The following PLIN5 variants were observed in gnomAD, a reference collection of about 807,000 sequenced individuals.
The protein encoded by PLIN5 is perilipin 5.
PLIN5 carries 34 observed loss-of-function variants against 32.8 expected under a neutral mutation model. The ratio of observed to expected loss-of-function variants is 1.04; its 90% CI spans 0.79 to 1.38. PLIN5 has a LOEUF of 1.38. PLIN5 is among the 40% of genes most tolerant of loss of function. The pLI is 0.00. For synonymous variants in PLIN5, 309 were observed against 292.9 expected (o/e 1.05, Z -0.56); for missense variants, 712 against 660.5 (o/e 1.08, Z -0.85).
chr19:4,529,410 A>T, intron 4 of PLIN5, 157 bp from the exon 5 acceptor site: 1 of 765,636 alleles, frequency 1.3e-6, no homozygotes, highest in Non-Finnish European at 2.1e-6. Flanking sequence ...CCCTTCCCTC[A>T]CAGAGGGTGT....
chr19:4,527,256 T>C (rs1976815626), intron 5 of PLIN5, among the ~76,000 whole-genome samples: 1 of 151,468 alleles, frequency 6.6e-6, no homozygotes, highest in Admixed American at 6.6e-5. Flanking sequence ...TTTGTATTTT[T>C]AGTAGAGACG....
At position 4,523,956 on chromosome 19, in the gene PLIN5, T is replaced by C. The variant is rs765361568; in HGVS notation, c.964A>G (p.Ser322Gly). The part of the protein sequence containing the change: ...AQEKVAEVRR[S>G]VDALQTAFAD... ...AAGGCGGTCTGCAGGGCATCCACAC[T>C]GCGCCGCACCTCAGCCACCTTCTCC... Residue 322 changes from serine (S) to glycine (G), a missense_variant, in exon 8 of 8, where the codon AGT becomes GGT. Transcript: ENST00000381848. The surrounding 1 kb of genome is among the most constrained non-coding windows in gnomAD (Gnocchi z 5.0). The C allele has an allele frequency of 2.4e-5, 37 of 1,528,110 alleles. No individual in the cohort carries two copies. The highest frequency in any genetic ancestry group is 3.0e-5 in the Non-Finnish European group (34 of 1,144,972). 94.7% of individuals were successfully genotyped at this position (1,528,110 alleles called of 1,614,324 possible).
In PLIN5 at chr19:4,523,333, C is replaced by T. The variant is rs557415972; in HGVS notation, c.*195G>A. The T allele has an allele frequency of 2.9e-5, 17 of 579,716 alleles. No individual in the cohort carries two copies. Among genetic ancestry groups the T allele is most frequent in the South Asian group, 2.2e-4 (7 of 32,202 alleles). 35.9% of individuals were successfully genotyped at this position (579,716 alleles called of 1,614,324 possible). ...AATAGGGTTCGAGGCCCTGCTCCCC[C>T]GGGCCTCTTTGTCCATGTGTTCAAG... is the stretch of plus-strand genomic sequence containing the variant. On this transcript the variant is annotated 3_prime_UTR_variant, in exon 8 of 8. Transcript: ENST00000381848. This position sits in a 1 kb window ranked among gnomAD's most constrained non-coding sequence, Gnocchi z 5.0.
chr19:4,531,909 C>T (rs537780687), intron 2 of PLIN5, 87 bp from the exon 3 acceptor site: 57 of 1,342,810 alleles, frequency 4.2e-5, no homozygotes, highest in South Asian at 2.6e-4. Context: ...TGGGCCAGGA[C>T]GAGGGATGGG....
chr19:4,530,935 C>T (rs1325307334), intron 3 of PLIN5, among the ~76,000 whole-genome samples: 1 of 151,974 alleles, frequency 6.6e-6, no homozygotes, highest in Non-Finnish European at 1.5e-5. Context: ...GCCTCGGACT[C>T]CTAAAATACT....
chr19:4,528,054 C>T (rs891848870), intron 5 of PLIN5, among the ~76,000 whole-genome samples: 5 of 151,658 alleles, frequency 3.3e-5, no homozygotes, highest in African/African-American at 4.8e-5. Context: ...GGACTACAGG[C>T]GCCCGCCACC....
Position 4,529,262 on chromosome 19 carries a change from A to C in PLIN5, c.340-9T>G. ...TTGGCTGAGGTCACCACCTGGAAGG[A>C]AGGGCCCCCCCACTCCAGGCACCGT... On this transcript the variant is annotated splice_polypyrimidine_tract_variant and intron_variant, in intron 4 of 7. Transcript: ENST00000381848. The C allele has an allele frequency of 1.3e-6, 2 of 1,592,290 alleles. No homozygotes were observed. Among genetic ancestry groups the C allele is most frequent in the South Asian group, 1.1e-5 (1 of 89,254 alleles).
chr19:4,529,731 T>C, intron 4 of PLIN5, 53 bp downstream of exon 4: 5 of 853,240 alleles, frequency 5.9e-6, no homozygotes, highest in Non-Finnish European at 9.6e-6. Flanking sequence ...CCCTCCCGCC[T>C]CTAATCTGGC....
Position 4,529,824 on chromosome 19 carries a change from A to T in PLIN5, c.299T>A (p.Leu100Gln). The stretch of plus-strand genomic sequence containing the variant: ...CTGGAGAAAGGGAAGCTTCTCTTCC[A>T]GCTTGTCCAGGCCCCTGCAGGCGAG... Reference protein sequence around the residue: ...NSLACRGLDKLEEKLPFLQQP... With the variant: ...NSLACRGLDKQEEKLPFLQQP... Residue 100 changes from leucine to glutamine, a missense_variant, in exon 4 of 8, where the codon CTG becomes CAG. By Grantham distance (113) the Leu-to-Gln change is moderately radical (BLOSUM62 -2). Coordinates refer to ENST00000381848, the MANE Select transcript of PLIN5 (RefSeq NM_001013706.3). 6.2e-7 allele frequency: 1 copy of T among 1,612,088 alleles called. No individual in the cohort carries two copies.
rs1207872629 is a variant in PLIN5, at chr19:4,531,816, C to G, written c.67G>C (p.Val23Leu). 2 of 1,550,326 alleles carry G rather than the reference C, an allele frequency of 1.3e-6. 1 individual carries two copies. Among genetic ancestry groups the G allele is most frequent in the South Asian group, 2.4e-5 (2 of 83,006 alleles). Residue 23 changes from valine to leucine, a missense_variant, in exon 3 of 8, where the codon GTG becomes CTG. Transcript: ENST00000381848. Reference protein sequence around the residue: ...SVWEQDQQNVVQRVVALPLVR... With the variant: ...SVWEQDQQNVLQRVVALPLVR... ...AGGGGCAGAGCCACCACACGCTGCA[C>G]CACGTTCTGCGGGAAGGGTCGGCAT...
chr19:4,530,879 G>A (rs1976875281), intron 3 of PLIN5, among the ~76,000 whole-genome samples: 1 of 152,064 alleles, frequency 6.6e-6, no homozygotes, highest in Non-Finnish European at 1.5e-5. Flanking sequence ...TCACCATGTT[G>A]GCCAGGCTGT....
Position 4,531,647 on chromosome 19 carries a change from A to C in PLIN5, c.236T>G (p.Leu79Arg). The C allele has an allele frequency of 6.5e-7, 1 of 1,528,958 alleles. No individual in the cohort carries two copies. Among genetic ancestry groups the C allele is most frequent in the Non-Finnish European group, 8.8e-7 (1 of 1,140,278 alleles). 94.7% of individuals were successfully genotyped at this position (1,528,958 alleles called of 1,614,324 possible). ...CTCACGCTGGGGCTGCAGGTGCTCG[A>C]GCAGCGGCTGGGCGTGGTCCAGGGC... Reference protein sequence around the residue: ...TRALDHAQPLLEHLQPQLATM... With the variant: ...TRALDHAQPLREHLQPQLATM... The change falls in exon 3 of 8, where the codon CTC becomes CGC. Residue 79 changes from leucine (L) to arginine (R), a missense_variant. Transcript: ENST00000381848.
Position 4,523,501 on chromosome 19 carries a change from T to G in PLIN5, c.*27A>C, listed in dbSNP as rs1300586668. Reference sequence around the variant, plus strand: ...GGGATCGGGGTGTGCAGGTGGCCTTTCCTCCCCGCCTCCACTGGCCCATGG... The same window carrying G: ...GGGATCGGGGTGTGCAGGTGGCCTTGCCTCCCCGCCTCCACTGGCCCATGG... On this transcript the variant is annotated 3_prime_UTR_variant, in exon 8 of 8. Coordinates refer to ENST00000381848, the MANE Select transcript of PLIN5 (RefSeq NM_001013706.3). This position sits in a 1 kb window ranked among gnomAD's most constrained non-coding sequence, Gnocchi z 5.0. The G allele has an allele frequency of 6.6e-7, 1 of 1,523,490 alleles. No individual in the cohort carries two copies. The highest frequency in any genetic ancestry group is 8.8e-7 in the Non-Finnish European group (1 of 1,132,564). The allele number at this position is 1,523,490 out of a possible 1,614,324, so 94.4% of individuals were successfully genotyped here. A position where few individuals can be genotyped will look rare whatever the true frequency, so the allele number is the denominator to read the frequency against.
rs1428444008 is a variant in PLIN5, at chr19:4,531,784, C to T, written c.99G>A (p.Arg33=). The change falls in exon 3 of 8, where the codon AGG becomes AGA. Residue 33 remains arginine (R), a synonymous_variant. Coordinates refer to ENST00000381848, the MANE Select transcript of PLIN5 (RefSeq NM_001013706.3). ...VQRVVALPLV[R]ATCTAVCDVY... is the part of the protein sequence containing the mutation. Reference sequence around the variant, plus strand: ...CATCGCAGACCGCGGTGCACGTGGCCCTGACCAGGGGCAGAGCCACCACAC... The same window carrying T: ...CATCGCAGACCGCGGTGCACGTGGCTCTGACCAGGGGCAGAGCCACCACAC... The T allele has an allele frequency of 6.3e-7, 1 of 1,585,968 alleles. No homozygotes were observed. Among genetic ancestry groups the T allele is most frequent in the Non-Finnish European group, 8.6e-7 (1 of 1,167,232 alleles).
chr19:4,529,822 C>A lies in PLIN5; in HGVS notation c.301G>T (p.Glu101Ter). The stretch of plus-strand genomic sequence containing the variant: ...TGCTGGAGAAAGGGAAGCTTCTCTT[C>A]CAGCTTGTCCAGGCCCCTGCAGGCG... The part of the protein sequence containing the change: ...SLACRGLDKL[E>*]EKLPFLQQPS... The change falls in exon 4 of 8, where the codon GAA becomes TAA. Residue 101 changes from glutamate (E) to a stop codon, truncating the protein, a stop_gained. Coordinates refer to ENST00000381848, the MANE Select transcript of PLIN5 (RefSeq NM_001013706.3). LOFTEE classifies it high-confidence loss of function. 6.2e-7 allele frequency: 1 copy of A among 1,611,772 alleles called. No individual in the cohort carries two copies. Among genetic ancestry groups the A allele is most frequent in the South Asian group, 1.1e-5 (1 of 90,920 alleles).
In PLIN5 at chr19:4,525,540, C is replaced by CT; in HGVS notation, c.720+92dup. ...CAGCTGCACCCAGCTCCGCCTCCTGCTTTAGGCTAGCACGGGATCCGGTAT... is the reference window on the plus strand; with the variant it reads ...CAGCTGCACCCAGCTCCGCCTCCTGCTTTTAGGCTAGCACGGGATCCGGTAT... On this transcript the variant is annotated intron_variant, in intron 6 of 7. Transcript: ENST00000381848. This position sits in a 1 kb window ranked among gnomAD's most constrained non-coding sequence, Gnocchi z 5.6. The CT allele has an allele frequency of 1.3e-6, 2 of 1,489,592 alleles. No homozygotes were observed. Among genetic ancestry groups the CT allele is most frequent in the Non-Finnish European group, 1.8e-6 (2 of 1,097,458 alleles). The allele number at this position is 1,489,592 out of a possible 1,614,324, so 92.3% of individuals were successfully genotyped here.
intron 5 of PLIN5, among the ~76,000 whole-genome samples, chr19:4,528,144 C>T (rs530948576): frequency 6.6e-6 from 1 of 151,876 alleles, no homozygotes. Flanking sequence ...CTCCTGACCT[C>T]GTGATCGGCC....
rs372134676 is a variant in PLIN5 at position 4,534,071 on chromosome 19, A to T, written c.4T>A (p.Ser2Thr). The change falls in exon 2 of 8, where the codon TCT becomes ACT. Residue 2 changes from serine to threonine, a missense_variant. Coordinates refer to ENST00000381848, the MANE Select transcript of PLIN5 (RefSeq NM_001013706.3). ...GGGATCTGAGCCGCCTCTTCTTCAGACATCGTGCTGCAAACAGGGTCACCC... is the reference window on the plus strand; with the variant it reads ...GGGATCTGAGCCGCCTCTTCTTCAGTCATCGTGCTGCAAACAGGGTCACCC... M[S>T]EEEAAQIPRS... 2.0e-5 allele frequency: 33 copies of T among 1,612,622 alleles called. No homozygotes were observed. The highest frequency in any genetic ancestry group is 2.7e-5 in the Non-Finnish European group (32 of 1,179,448).
chr19:4,529,262 A>G lies in PLIN5; in HGVS notation c.340-9T>C, dbSNP rs1191158078. 6.3e-7 allele frequency: 1 copy of G among 1,592,290 alleles called. No individual in the cohort carries two copies. Among genetic ancestry groups the G allele is most frequent in the African/African-American group, 1.3e-5 (1 of 74,386 alleles). ...TTGGCTGAGGTCACCACCTGGAAGG[A>G]AGGGCCCCCCCACTCCAGGCACCGT... is the stretch of plus-strand genomic sequence containing the variant. On this transcript the variant is annotated splice_polypyrimidine_tract_variant and intron_variant, in intron 4 of 7. Coordinates refer to ENST00000381848, the MANE Select transcript of PLIN5 (RefSeq NM_001013706.3).
Sources: gnomAD v4.1 joint callset for allele counts (sites outside exome capture counted in the v4.1 genomes callset) on GRCh38, gnomAD v4.1.1 for gene constraint, Gnocchi (gnomAD v3.1) non-coding constraint, MANE v1.5 for transcripts, NCBI Gene and HGNC (gene_info 2026-07-23, HGNC 2026-07-21) for gene names.